The following PROS1 variants were observed in gnomAD, a reference collection of about 807,000 sequenced individuals.
PROS1 encodes the protein protein S, also known as vitamin K-dependent protein S.
Under a neutral mutation model 75.9 loss-of-function variants are expected in PROS1, and 29 were observed. The observed-to-expected ratio is 0.38, with a 90% CI of 0.28 to 0.52. The LOEUF is 0.52. Among genes scored for constraint, PROS1 ranks in the 20% least tolerant of loss-of-function variants. The pLI is 0.83. For synonymous variants in PROS1, 245 were observed against 280.6 expected, an observed-to-expected ratio of 0.87 and a Z score of 1.27; for missense variants, 680 against 810.3, an observed-to-expected ratio of 0.84 and a Z score of 1.95.
chr3:93,956,602 C>A (rs1709608121), intron 1 of PROS1, among the ~76,000 whole-genome samples: 1 of 145,176 alleles, frequency 6.9e-6, no homozygotes, highest in Admixed American at 6.9e-5. Context: ...TATCAGAATT[C>A]TTTCAAGCCT....
At position 93,906,041 on chromosome 3, in the gene PROS1, T is replaced by C. The variant is rs754149240; in HGVS notation, c.449A>G (p.Gln150Arg). ...CGTACCAAATTCACACTTTTCTCCT[T>C]GCCAACCTGGTTTACAAGTGCAAGT... The part of the protein sequence containing the change: ...SFTCTCKPGW[Q>R]GEKCEFDINE... The change falls in exon 5 of 15, where the codon CAA (glutamine) becomes CGA (arginine). Residue 150 changes from glutamine to arginine, a missense_variant. Physicochemically the swap from Gln to Arg is conservative, Grantham distance 43. Transcript: ENST00000394236. The C allele has an allele frequency of 3.1e-5, 50 of 1,614,036 alleles. No individual in the cohort carries two copies. Among genetic ancestry groups the C allele is most frequent in the Middle Eastern group, 1.6e-4 (1 of 6,084 alleles).
chr3:93,969,122 CT>C (rs773990991), intron 1 of PROS1, among the ~76,000 whole-genome samples: 1,766 of 114,324 alleles, frequency 0.015, 6 homozygotes, highest in African/African-American at 0.025. Flanking sequence ...CTTTTGTTTT[CT>C]TTTTTTTTTT....
chr3:93,963,319 T>C (rs949249500), intron 1 of PROS1, among the ~76,000 whole-genome samples: 21 of 152,300 alleles, frequency 1.4e-4, no homozygotes, highest in Admixed American at 6.5e-5. Context: ...CATTGAGCTA[T>C]GTAGTTGTGA....
intron 12 of PROS1, among the ~76,000 whole-genome samples, chr3:93,880,681 T>C (rs1280759247): frequency 6.6e-6 from 1 of 152,162 alleles, no homozygotes; most frequent in Non-Finnish European, 1.5e-5. Context: ...TTGAAATAAG[T>C]AAATTTAACA....
rs1353153984 is a variant in PROS1 at position 93,896,612 on chromosome 3, A to T, written c.929T>A (p.Val310Asp). The change falls in exon 9 of 15, where the codon GTT (valine) becomes GAT (aspartate). Residue 310 changes from valine (V) to aspartate (D), a missense_variant. Coordinates refer to ENST00000394236, the MANE Select transcript of PROS1 (RefSeq NM_000313.4). ...TGGCAAACGAAATTTTAAATATAAA[A>T]CAACCCCTGCAAACTGCTCCGCCAA... Reference protein sequence around the residue: ...LYLAEQFAGVVLYLKFRLPEI... With the variant: ...LYLAEQFAGVDLYLKFRLPEI... 5 of 1,613,678 alleles carry T rather than the reference A, an allele frequency of 3.1e-6. No homozygotes were observed. The highest frequency in any genetic ancestry group is 4.2e-6 in the Non-Finnish European group (5 of 1,179,776).
intron 13 of PROS1, among the ~76,000 whole-genome samples, chr3:93,878,497 G>A (rs1297249098): frequency 6.6e-6 from 1 of 152,192 alleles, no homozygotes; most frequent in Non-Finnish European, 1.5e-5. Flanking sequence ...GCTTCTTGCT[G>A]TAACTTGTTA....
chr3:93,903,160 G>T (rs1158469615), intron 6 of PROS1, among the ~76,000 whole-genome samples: 8 of 152,210 alleles, frequency 5.3e-5, no homozygotes, highest in Admixed American at 5.2e-4. Context: ...GAGCCACAGT[G>T]CCTGGCTGTA....
At chr3:93,948,059 C>T (rs1307930293) in intron 1 of PROS1, among the ~76,000 whole-genome samples, 3 of 152,148 alleles carry the variant, frequency 2.0e-5, no homozygotes, top group South Asian at 4.1e-4. Flanking sequence ...GCAAAAGAAC[C>T]CATGCCAACT....
At position 93,906,010 on chromosome 3, in the gene PROS1, A is replaced by G; in HGVS notation, c.469+11T>C. The G allele has an allele frequency of 6.2e-7, 1 of 1,614,062 alleles. No individual in the cohort carries two copies. The highest frequency in any genetic ancestry group is 8.5e-7 in the Non-Finnish European group (1 of 1,179,960). On this transcript the variant is annotated intron_variant, in intron 5 of 14. Transcript: ENST00000394236. ...CCTGATGAGCTGGGGGGCGGGGGTTATTATACGTACCAAATTCACACTTTT... is the reference window on the plus strand; with the variant it reads ...CCTGATGAGCTGGGGGGCGGGGGTTGTTATACGTACCAAATTCACACTTTT...
At position 93,874,392 on chromosome 3, in the gene PROS1, A is replaced by G. The variant is rs1708153341; in HGVS notation, c.1884T>C (p.Ser628=). The change falls in exon 15 of 15, where the codon AGT becomes AGC. Residue 628 remains serine (S), a synonymous_variant. Coordinates refer to ENST00000394236, the MANE Select transcript of PROS1 (RefSeq NM_000313.4). ...YLGGLPDVPF[S]ATPVNAFYNG... is the part of the protein sequence containing the mutation. Reference sequence around the variant, plus strand: ...TATAAAAGGCATTCACTGGTGTGGCACTGAATGGAACATCTGTAAAAGGAA... The same window carrying G: ...TATAAAAGGCATTCACTGGTGTGGCGCTGAATGGAACATCTGTAAAAGGAA... 1.9e-6 allele frequency: 3 copies of G among 1,613,270 alleles called. No homozygotes were observed.
chr3:93,918,223 C>A (rs566471388), intron 3 of PROS1, among the ~76,000 whole-genome samples: 1 of 152,056 alleles, frequency 6.6e-6, no homozygotes, highest in African/African-American at 2.4e-5. Context: ...CTGGTGGGGA[C>A]GTGGAGAAAC....
intron 3 of PROS1, among the ~76,000 whole-genome samples, chr3:93,914,168 C>T (rs890380208): frequency 3.9e-5 from 6 of 152,182 alleles, no homozygotes; most frequent in African/African-American, 1.4e-4. Flanking sequence ...TACTGGTAGC[C>T]CTATAGTTCT....
In PROS1 at chr3:93,873,412, C is replaced by T. The variant is rs574802526; in HGVS notation, c.*833G>A. 6.6e-5 allele frequency: 10 copies of T among 152,294 alleles called. No homozygotes were observed. In the South Asian group the frequency reaches 2.1e-3, roughly 32 times the overall value. The allele number at this position is 152,294 out of a possible 1,614,324, so 9.4% of individuals were successfully genotyped here. A position where few individuals can be genotyped will look rare whatever the true frequency, so the allele number is the denominator to read the frequency against. On this transcript the variant is annotated 3_prime_UTR_variant, in exon 15 of 15. Coordinates refer to ENST00000394236, the MANE Select transcript of PROS1 (RefSeq NM_000313.4). ...TCAACAATCACATTTTGGCAACTTA[C>T]TCTGGTAATTAAAAGTTGGATTCAA...
At chr3:93,964,600 C>A (rs746021735) in intron 1 of PROS1, among the ~76,000 whole-genome samples, 24 of 152,288 alleles carry the variant, frequency 1.6e-4, no homozygotes, top group Middle Eastern at 6.8e-3. Context: ...ATGTGCACCA[C>A]GGAACAAAGA....
intron 1 of PROS1, among the ~76,000 whole-genome samples, chr3:93,953,606 C>G (rs1233630795): frequency 6.6e-6 from 1 of 152,236 alleles, no homozygotes; most frequent in African/African-American, 2.4e-5. Context: ...TTATGACAAA[C>G]CCACAGCCAG....
chr3:93,955,932 A>G (rs572605675), intron 1 of PROS1, among the ~76,000 whole-genome samples: 9 of 152,286 alleles, frequency 5.9e-5, no homozygotes, highest in African/African-American at 2.2e-4. Flanking sequence ...AACAGAACTG[A>G]CCATATATTG....
intron 10 of PROS1, among the ~76,000 whole-genome samples, chr3:93,890,437 A>G (rs963906677): frequency 6.6e-6 from 1 of 152,112 alleles, no homozygotes; most frequent in Non-Finnish European, 1.5e-5. Flanking sequence ...GAAGCATGTG[A>G]TCTTTGTGAC....
chr3:93,926,010 C>A (rs1270916344), intron 2 of PROS1, among the ~76,000 whole-genome samples: 1 of 151,964 alleles, frequency 6.6e-6, no homozygotes, highest in African/African-American at 2.4e-5. Context: ...CCTCACTGGG[C>A]TTTTGCTGCT....
intron 4 of PROS1, among the ~76,000 whole-genome samples, chr3:93,906,724 G>A (rs1440261960): frequency 6.6e-6 from 1 of 152,214 alleles, no homozygotes; most frequent in Non-Finnish European, 1.5e-5. Context: ...ACTCTTGAGG[G>A]CCTGGGGAGG....
Sources: allele counts gnomAD v4.1 joint callset (sites outside exome capture counted in the v4.1 genomes callset), GRCh38; gene constraint gnomAD v4.1.1; transcripts MANE v1.5; gene names NCBI Gene and HGNC (gene_info 2026-07-23, HGNC 2026-07-21).